The following DLG2 variants were observed in gnomAD, a reference collection of about 807,000 sequenced individuals.
The protein encoded by DLG2 is disks large homolog 2.
DLG2 carries 45 observed loss-of-function variants against 132.5 expected under a neutral mutation model. The ratio of observed to expected loss-of-function variants is 0.34; its 90% CI spans 0.27 to 0.44. The LOEUF is 0.44. Ranked by LOEUF, DLG2 falls within the 20% of genes least tolerant of loss-of-function variation. The pLI, the probability that DLG2 is intolerant of heterozygous loss-of-function variation, is 1.00. For synonymous variants in DLG2, 424 were observed against 419.6 expected, an observed-to-expected ratio of 1.01 and a Z score of -0.13; for missense variants, 1,045 against 1,196.9, an observed-to-expected ratio of 0.87 and a Z score of 1.87.
intron 3 of DLG2, among the ~76,000 whole-genome samples, chr11:85,549,837 G>A (rs1317019438): frequency 6.6e-6 from 1 of 152,176 alleles, no homozygotes; most frequent in Non-Finnish European, 1.5e-5. Flanking sequence ...CCAGAGCGAT[G>A]ACCAGTTTAC....
At chr11:83,600,841 C>T (rs78623064) in intron 19 of DLG2, among the ~76,000 whole-genome samples, 1 of 152,322 alleles carries the variant, frequency 6.6e-6, no homozygotes, top group African/African-American at 2.4e-5. Flanking sequence ...GCCTCACATG[C>T]CAAAGCAGAT....
intron 6 of DLG2, among the ~76,000 whole-genome samples, chr11:84,778,885 G>A (rs905701776): frequency 6.6e-6 from 1 of 152,144 alleles, no homozygotes; most frequent in Non-Finnish European, 1.5e-5. Flanking sequence ...AAGCTGACTT[G>A]CTGAGTCTTC....
chr11:85,512,817 C>T (rs980952199), intron 3 of DLG2, among the ~76,000 whole-genome samples: 3 of 151,976 alleles, frequency 2.0e-5, no homozygotes, highest in African/African-American at 7.2e-5. Context: ...AATTATCATT[C>T]GACCCAGCAA....
chr11:85,535,395 TAA>T (rs1473096926), intron 3 of DLG2, among the ~76,000 whole-genome samples: 1 of 152,036 alleles, frequency 6.6e-6, no homozygotes, highest in Non-Finnish European at 1.5e-5. Flanking sequence ...AATATATATA[TAA>T]AAATAATGTC....
At chr11:85,170,828 G>A (rs964816960) in intron 4 of DLG2, among the ~76,000 whole-genome samples, 3 of 151,986 alleles carry the variant, frequency 2.0e-5, no homozygotes, top group African/African-American at 4.8e-5. Context: ...TTTATAGGAT[G>A]ATGTTTGTGC....
intron 3 of DLG2, among the ~76,000 whole-genome samples, chr11:85,456,150 G>T (rs2092415052): frequency 6.6e-6 from 1 of 151,920 alleles, no homozygotes; most frequent in Non-Finnish European, 1.5e-5. Context: ...ATTCAATTTT[G>T]GAATTCACTA....
chr11:84,563,804 C>A (rs904324693), intron 6 of DLG2, among the ~76,000 whole-genome samples: 3 of 152,134 alleles, frequency 2.0e-5, no homozygotes, highest in African/African-American at 7.2e-5. Context: ...AGCTATGTGA[C>A]ATCTTATTAG....
intron 6 of DLG2, among the ~76,000 whole-genome samples, chr11:84,867,826 C>T (rs1189736840): frequency 1.3e-5 from 2 of 152,044 alleles, no homozygotes; most frequent in Non-Finnish European, 2.9e-5. Flanking sequence ...TGTAATCCCA[C>T]CACTTTGGGA....
chr11:84,257,242 C>T (rs919797532), intron 7 of DLG2, among the ~76,000 whole-genome samples: 4 of 152,196 alleles, frequency 2.6e-5, no homozygotes, highest in Non-Finnish European at 4.4e-5. Context: ...TCCATTGGAA[C>T]GAAACTCTGT....
At chr11:84,119,680 A>T (rs1017545819) in intron 9 of DLG2, among the ~76,000 whole-genome samples, 3 of 152,140 alleles carry the variant, frequency 2.0e-5, no homozygotes, top group Non-Finnish European at 4.4e-5. Flanking sequence ...AAACAAGCAC[A>T]TGTATCAAGC....
chr11:84,792,053 G>T (rs530253756), intron 6 of DLG2, among the ~76,000 whole-genome samples: 1 of 152,304 alleles, frequency 6.6e-6, no homozygotes, highest in African/African-American at 2.4e-5. Context: ...CATTCATTAT[G>T]ATACTAGCTT....
At chr11:84,607,343 T>C (rs1197332250) in intron 6 of DLG2, among the ~76,000 whole-genome samples, 3 of 152,184 alleles carry the variant, frequency 2.0e-5, no homozygotes, top group African/African-American at 2.4e-5. Flanking sequence ...AAGTCCTTTC[T>C]TCTACCCTGT....
At chr11:85,499,327 A>T (rs1168450899) in intron 3 of DLG2, among the ~76,000 whole-genome samples, 1 of 152,246 alleles carries the variant, frequency 6.6e-6, no homozygotes, top group Non-Finnish European at 1.5e-5. Flanking sequence ...CTTCTATGCA[A>T]ATAAACTAGA....
At chr11:83,682,813 T>A (rs2079057554) in intron 18 of DLG2, among the ~76,000 whole-genome samples, 1 of 152,084 alleles carries the variant, frequency 6.6e-6, no homozygotes, top group Non-Finnish European at 1.5e-5. Context: ...CTTTATTTGG[T>A]ATTCACTGAA....
chr11:85,318,002 G>A (rs2080808338), intron 3 of DLG2, among the ~76,000 whole-genome samples: 1 of 151,808 alleles, frequency 6.6e-6, no homozygotes. Flanking sequence ...GCACACATCT[G>A]AGGATAATTT....
chr11:85,002,938 T>C (rs1227748703), intron 6 of DLG2, among the ~76,000 whole-genome samples: 1 of 151,998 alleles, frequency 6.6e-6, no homozygotes, highest in Non-Finnish European at 1.5e-5. Context: ...TTTTCTATTC[T>C]CCAGCTTAAT....
chr11:85,497,768 C>A (rs1012632089), intron 3 of DLG2, among the ~76,000 whole-genome samples: 1 of 152,154 alleles, frequency 6.6e-6, no homozygotes, highest in African/African-American at 2.4e-5. Context: ...GACAGGGAGT[C>A]AATATTCAAC....
chr11:85,127,242 G>GC (rs1382267802), intron 5 of DLG2, among the ~76,000 whole-genome samples: 2 of 55,368 alleles, frequency 3.6e-5, no homozygotes, highest in Non-Finnish European at 7.7e-5. Flanking sequence ...CTCTCCCCCC[G>GC]CCCCCCACCC....
intron 8 of DLG2, among the ~76,000 whole-genome samples, chr11:84,179,214 A>G (rs1292469963): frequency 6.6e-6 from 1 of 152,196 alleles, no homozygotes; most frequent in Admixed American, 6.6e-5. Flanking sequence ...TGAAATAATA[A>G]ATTTGCTAGA....
Sources: allele counts gnomAD v4.1 joint callset (sites outside exome capture counted in the v4.1 genomes callset), GRCh38; gene constraint gnomAD v4.1.1; transcripts MANE v1.5; gene names NCBI Gene and HGNC (gene_info 2026-07-23, HGNC 2026-07-21).